RALGAPB: variants seen among roughly 807,000 people sequenced by gnomAD.
RALGAPB encodes the protein Ral GTPase activating protein non-catalytic subunit beta.
RALGAPB carries 25 observed loss-of-function variants against 161.1 expected under a neutral mutation model. The observed-to-expected ratio is 0.16, with a 90% CI of 0.11 to 0.22. The LOEUF (loss-of-function observed/expected upper bound fraction) is 0.22. RALGAPB is among the 10% of genes least tolerant of loss of function. The probability of loss-of-function intolerance (pLI) is 1.00; values close to 1 mark genes in which losing one functional copy is unlikely to be tolerated. For missense variants in RALGAPB, 1,391 were observed against 1,815.2 expected, an observed-to-expected ratio of 0.77 and a Z score of 4.25; for synonymous variants, 629 against 626.1, an observed-to-expected ratio of 1.00 and a Z score of -0.07.
intron 1 of RALGAPB, among the ~76,000 whole-genome samples, chr20:38,478,846 C>A (rs1351983176): frequency 6.6e-6 from 1 of 152,092 alleles, no homozygotes; most frequent in Non-Finnish European, 1.5e-5. Flanking sequence ...GAACTCCCGA[C>A]CTCAGGTGAT....
chr20:38,510,190 C>T (rs1398211682), intron 6 of RALGAPB, among the ~76,000 whole-genome samples: 2 of 151,516 alleles, frequency 1.3e-5, no homozygotes, highest in Non-Finnish European at 2.9e-5. Context: ...ATGTAATTTG[C>T]AGAGATGGGG....
At position 38,541,209 on chromosome 20, in the gene RALGAPB, A is replaced by G. The variant is rs1298683076; in HGVS notation, c.2714+17A>G. On this transcript the variant is annotated intron_variant, in intron 18 of 29. Coordinates refer to ENST00000262879, the MANE Select transcript of RALGAPB (RefSeq NM_020336.4). Reference sequence around the variant, plus strand: ...CCTAACATGGTATGGAAGTGACCGCACAGGGATTGTGCCTAGGAATTAGAT... The same window carrying G: ...CCTAACATGGTATGGAAGTGACCGCGCAGGGATTGTGCCTAGGAATTAGAT... 1.2e-6 allele frequency: 2 copies of G among 1,612,302 alleles called. No individual in the cohort carries two copies. Among genetic ancestry groups the G allele is most frequent in the Non-Finnish European group, 1.7e-6 (2 of 1,178,896 alleles).
intron 10 of RALGAPB, 29 bp downstream of exon 10, chr20:38,521,727 T>C (rs746523837): frequency 1.6e-5 from 25 of 1,608,526 alleles, no homozygotes; most frequent in Middle Eastern, 1.7e-4. Context: ...GTTTTTTCAT[T>C]TATATAGTTT....
chr20:38,509,918 ATTTC>A (rs1313529616), intron 6 of RALGAPB, among the ~76,000 whole-genome samples: 2 of 150,470 alleles, frequency 1.3e-5, no homozygotes, highest in African/African-American at 4.9e-5. Context: ...TTTTTTTATC[ATTTC>A]TTCCCATTTT....
intron 22 of RALGAPB, among the ~76,000 whole-genome samples, chr20:38,555,564 G>C (rs1182424748): frequency 1.3e-5 from 2 of 152,106 alleles, no homozygotes; most frequent in African/African-American, 4.8e-5. Context: ...GGAGAAAATT[G>C]AACAGAGTAG....
intron 26 of RALGAPB, chr20:38,568,501 A>G (rs2088096109): frequency 6.6e-6 from 1 of 152,244 alleles, no homozygotes; most frequent in Non-Finnish European, 1.5e-5. Flanking sequence ...TGTTCTCACC[A>G]CTTACGTTCA....
At chr20:38,557,590 A>C (rs1356044523) in intron 22 of RALGAPB, among the ~76,000 whole-genome samples, 1 of 152,146 alleles carries the variant, frequency 6.6e-6, no homozygotes, top group Non-Finnish European at 1.5e-5. Flanking sequence ...CTTTTTCAGA[A>C]TGTCATATAG....
At chr20:38,540,018 C>T in intron 17 of RALGAPB, 60 bp downstream of exon 17, 2 of 1,457,380 alleles carry the variant, frequency 1.4e-6, no homozygotes, top group Non-Finnish European at 1.9e-6. Flanking sequence ...AGCAAAATGC[C>T]TTTTGAAAGA....
intron 6 of RALGAPB, 81 bp downstream of exon 6, chr20:38,509,289 G>A: frequency 1.4e-6 from 2 of 1,448,366 alleles, no homozygotes; most frequent in Non-Finnish European, 1.9e-6. Context: ...TCTCTTGTTT[G>A]AATTCAGAAG....
chr20:38,519,658 G>T (rs1277764938), intron 9 of RALGAPB, among the ~76,000 whole-genome samples: 2 of 152,116 alleles, frequency 1.3e-5, no homozygotes, highest in African/African-American at 2.4e-5. Flanking sequence ...GAGGATAGAA[G>T]CTCCTTTTCT....
At position 38,483,724 on chromosome 20, in the gene RALGAPB, G is replaced by C. The variant is rs2085038957; in HGVS notation, c.-30-4679G>C. On this transcript the variant is annotated intron_variant, in intron 1 of 29. Transcript: ENST00000262879. ...ACTAAGACATGGCAAGTGTGATCAA[G>C]ACATGTGAGGGTTCTGCCATGGTGC... Among the ~76,000 whole-genome samples the C allele has an allele frequency of 2.0e-5, 3 of 152,180 alleles. No individual in the cohort carries two copies. The South Asian group carries it at 6.2e-4, about 32-fold the overall frequency.
At chr20:38,526,244 G>A (rs938259179) in intron 13 of RALGAPB, among the ~76,000 whole-genome samples, 4 of 152,190 alleles carry the variant, frequency 2.6e-5, no homozygotes, top group South Asian at 2.1e-4. Flanking sequence ...TGTCTTGGTT[G>A]GTCATTTATT....
At chr20:38,523,272 G>A (rs1191138577) in intron 10 of RALGAPB, among the ~76,000 whole-genome samples, 1 of 152,172 alleles carries the variant, frequency 6.6e-6, no homozygotes, top group East Asian at 1.9e-4. Flanking sequence ...TAATCTGCCT[G>A]TCTCTGGTCT....
intron 2 of RALGAPB, 71 bp from the exon 3 acceptor site, chr20:38,492,859 T>C: frequency 7.8e-7 from 1 of 1,274,756 alleles, no homozygotes; most frequent in East Asian, 2.3e-5. Context: ...ATAAAAGAGA[T>C]TGACATTTTA....
chr20:38,541,549 C>T (rs1373235874), intron 18 of RALGAPB, among the ~76,000 whole-genome samples: 1 of 152,106 alleles, frequency 6.6e-6, no homozygotes, highest in Non-Finnish European at 1.5e-5. Context: ...TGCTTTCCAG[C>T]TCAGTGGTCT....
chr20:38,526,387 G>A (rs962317548), intron 13 of RALGAPB, among the ~76,000 whole-genome samples: 4 of 148,300 alleles, frequency 2.7e-5, no homozygotes, highest in Non-Finnish European at 4.5e-5. Context: ...CTCCCGCCTC[G>A]TCCTCTTCCT....
At chr20:38,503,428 G>T (rs2085655325) in intron 5 of RALGAPB, among the ~76,000 whole-genome samples, 1 of 152,158 alleles carries the variant, frequency 6.6e-6, no homozygotes, top group African/African-American at 2.4e-5. Context: ...TGACTCTGAG[G>T]GGTTCAAAGC....
chr20:38,542,483 T>C (rs1456818257), intron 18 of RALGAPB, among the ~76,000 whole-genome samples: 4 of 151,544 alleles, frequency 2.6e-5, no homozygotes, highest in African/African-American at 9.7e-5. Flanking sequence ...GGCTAATAGC[T>C]AGAAAATTAA....
At position 38,551,095 on chromosome 20, in the gene RALGAPB, G is replaced by C; in HGVS notation, c.3034G>C (p.Val1012Leu). Residue 1012 changes from valine (V) to leucine (L), a missense_variant, in exon 21 of 30, where the codon GTT becomes CTT. Physicochemically the swap from Val to Leu is conservative, Grantham distance 32 (BLOSUM62 1). Transcript: ENST00000262879. ...GCTTTTTGTACCTGAACCTCGCCCA[G>C]TTCCTAAAAATGACGTTGGATTTAA... ...QKLFVPEPRP[V>L]PKNDVGFKYS... is the part of the protein sequence containing the mutation. 1 of 1,613,928 alleles carries C rather than the reference G, an allele frequency of 6.2e-7. No homozygotes were observed. The highest frequency in any genetic ancestry group is 1.3e-5 in the African/African-American group (1 of 75,014).
Sources: gnomAD v4.1 joint callset for allele counts (sites outside exome capture counted in the v4.1 genomes callset) on GRCh38, gnomAD v4.1.1 for gene constraint, MANE v1.5 for transcripts, NCBI Gene and HGNC (gene_info 2026-07-23, HGNC 2026-07-21) for gene names.